The following BLTP3B variants were observed in gnomAD, a reference collection of about 807,000 sequenced individuals.
BLTP3B encodes bridge-like lipid transfer protein family member 3B, also known as UHRF1 (ICBP90) binding protein 1-like.
At chr12:100,142,627 C>T in the BLTP3B span, 3 of 1,608,930 alleles carry the variant, frequency 1.9e-6, no homozygotes, top group Non-Finnish European at 2.5e-6. Context: ...TCTTGATGAT[C>T]CCGGCCATGG....
the BLTP3B span, among the ~76,000 whole-genome samples, chr12:100,083,369 T>C: frequency 6.6e-6 from 1 of 152,008 alleles, no homozygotes; most frequent in African/African-American, 2.4e-5. Context: ...ACAAAAACTC[T>C]GGAATGGGAC....
the BLTP3B span, among the ~76,000 whole-genome samples, chr12:100,103,626 A>G: frequency 6.6e-6 from 1 of 152,218 alleles, no homozygotes; most frequent in Non-Finnish European, 1.5e-5. Flanking sequence ...ATGTTACTGA[A>G]AGAATAATCC....
chr12:100,102,417 ACTTAACT>A, the BLTP3B span, among the ~76,000 whole-genome samples: 11 of 152,122 alleles, frequency 7.2e-5, no homozygotes, highest in Admixed American at 7.2e-4. Context: ...CAGCCTCCCA[ACTTAACT>A]CTTAAGAGTC....
the BLTP3B span, among the ~76,000 whole-genome samples, chr12:100,123,590 C>G: frequency 6.6e-6 from 1 of 152,154 alleles, no homozygotes; most frequent in Non-Finnish European, 1.5e-5. Context: ...CTCCGTCACC[C>G]CAGTCCTTGC....
At chr12:100,072,237 G>A in the BLTP3B span, among the ~76,000 whole-genome samples, 7 of 152,030 alleles carry the variant, frequency 4.6e-5, no homozygotes, top group Admixed American at 2.6e-4. Flanking sequence ...ACTCCAGCCT[G>A]GGCAACAGAG....
the BLTP3B span, chr12:100,058,408 G>A: frequency 1.2e-6 from 2 of 1,612,338 alleles, no homozygotes; most frequent in Non-Finnish European, 8.5e-7. Flanking sequence ...CCTTTTTGCA[G>A]ATTTGTATCA....
chr12:100,105,512 C>G, the BLTP3B span, among the ~76,000 whole-genome samples: 2 of 152,070 alleles, frequency 1.3e-5, no homozygotes, highest in African/African-American at 2.4e-5. Flanking sequence ...AATTGGATCC[C>G]TATCTCTTAC....
At chr12:100,141,841 GGA>G in the BLTP3B span, among the ~76,000 whole-genome samples, 1 of 151,920 alleles carries the variant, frequency 6.6e-6, no homozygotes, top group Non-Finnish European at 1.5e-5. Context: ...GTTATGAAAT[GGA>G]GAGAATGACA....
the BLTP3B span, chr12:100,083,247 G>C: frequency 1.2e-4 from 85 of 681,996 alleles, no homozygotes; most frequent in African/African-American, 1.4e-3. Context: ...TCTCAAACAA[G>C]ATAATATTTG....
chr12:100,074,878 C>T, the BLTP3B span, among the ~76,000 whole-genome samples: 73 of 152,178 alleles, frequency 4.8e-4, no homozygotes, highest in Non-Finnish European at 9.3e-4. Flanking sequence ...GAAATAAAAT[C>T]GCACACCTAT....
the BLTP3B span, among the ~76,000 whole-genome samples, chr12:100,084,871 T>TC: frequency 6.6e-6 from 1 of 152,170 alleles, no homozygotes; most frequent in Non-Finnish European, 1.5e-5. Context: ...TGGAGGAGTT[T>TC]CTATCTAGTA....
the BLTP3B span, among the ~76,000 whole-genome samples, chr12:100,135,390 T>G: frequency 1.4e-4 from 21 of 151,192 alleles, no homozygotes. Flanking sequence ...CATCTCAGCC[T>G]CTCTAGTAGC....
the BLTP3B span, among the ~76,000 whole-genome samples, chr12:100,089,403 A>G: frequency 6.6e-6 from 1 of 152,114 alleles, no homozygotes; most frequent in East Asian, 1.9e-4. Context: ...TACTAAAAAT[A>G]TAAAAAATTA....
the BLTP3B span, among the ~76,000 whole-genome samples, chr12:100,081,743 G>A: frequency 2.0e-5 from 3 of 152,172 alleles, no homozygotes; most frequent in African/African-American, 7.2e-5. Context: ...CAAAGAACAT[G>A]ACTGCATTCT....
At chr12:100,043,391 A>G in the BLTP3B span, among the ~76,000 whole-genome samples, 1 of 152,214 alleles carries the variant, frequency 6.6e-6, no homozygotes, top group African/African-American at 2.4e-5. Context: ...AGATCAATGA[A>G]TGTAAGAGTT....
chr12:100,052,633 A>T, the BLTP3B span, among the ~76,000 whole-genome samples: 1 of 152,064 alleles, frequency 6.6e-6, no homozygotes, highest in Non-Finnish European at 1.5e-5. Flanking sequence ...AGCACATGGG[A>T]AAACATCAGA....
chr12:100,063,677 G>A, the BLTP3B span, among the ~76,000 whole-genome samples: 1 of 145,462 alleles, frequency 6.9e-6, no homozygotes, highest in East Asian at 2.0e-4. Context: ...TTGCACTCCA[G>A]CCTGGGCAAC....
At chr12:100,109,977 C>A in the BLTP3B span, among the ~76,000 whole-genome samples, 4 of 152,118 alleles carry the variant, frequency 2.6e-5, no homozygotes, top group African/African-American at 9.7e-5. Context: ...TCACAACTAA[C>A]AATGAAAATA....
chr12:100,119,080 C>T, the BLTP3B span, among the ~76,000 whole-genome samples: 7 of 151,396 alleles, frequency 4.6e-5, no homozygotes, highest in South Asian at 4.2e-4. Flanking sequence ...CCAGCCTGGG[C>T]GACAGAGCCA....
Sources: gnomAD v4.1 joint callset for allele counts (sites outside exome capture counted in the v4.1 genomes callset) on GRCh38, gnomAD v4.1.1 for gene constraint, MANE v1.5 for transcripts, NCBI Gene and HGNC (gene_info 2026-07-23, HGNC 2026-07-21) for gene names.